The following FASN variants were observed in gnomAD, a reference collection of about 807,000 sequenced individuals.
FASN encodes 3-hydroxyacyl-[acyl-carrier-protein] dehydratase.
In FASN, 50 loss-of-function variants were observed where a neutral mutation model predicts 250.0. The ratio of observed to expected loss-of-function variants is 0.20; its 90% confidence interval spans 0.16 to 0.25. The LOEUF (loss-of-function observed/expected upper bound fraction) is 0.25. FASN is among the 10% of genes least tolerant of loss of function. The pLI is 1.00. For missense variants in FASN, 3,031 were observed against 3,498.5 expected, an observed-to-expected ratio of 0.87 and a Z score of 3.37; for synonymous variants, 1,909 against 1,584.0, an observed-to-expected ratio of 1.21 and a Z score of -4.87.
chr17:82,083,481 C>A (rs1321465692), intron 31 of FASN, 36 bp downstream of exon 31: 1 of 1,612,758 alleles, frequency 6.2e-7, no homozygotes, highest in Admixed American at 1.7e-5. Context: ...CCACACCCAT[C>A]CATGCCCACC....
In FASN at chr17:82,082,535, G is replaced by A; in HGVS notation, c.5911C>T (p.Leu1971=). 1 of 1,608,622 alleles carries A rather than the reference G, an allele frequency of 6.2e-7. No homozygotes were observed. The highest frequency in any genetic ancestry group is 8.5e-7 in the Non-Finnish European group (1 of 1,179,824). The change falls in exon 34 of 43, where the codon CTG becomes TTG. Residue 1971 remains leucine (L), a synonymous_variant. Coordinates refer to ENST00000306749, the MANE Select transcript of FASN (RefSeq NM_004104.5). ...QLGPVGGVFN[L]AVVLRDGLLE... ...TTGGGGCCTTCCCTCACCACGGCCA[G>A]GTTGAAGACGCCGCCCACGGGCCCA...
rs774079918 is a variant in FASN at position 82,083,129 on chromosome 17, G to GCACC, written c.5566-18_5566-15dup. ...CTCCGCAAGCACCTGCGTCCAAGCA[G>GCACC]CACCCACCGGCTCAGGCACTGCCTG... On this transcript the variant is annotated splice_polypyrimidine_tract_variant and intron_variant, in intron 32 of 42. Coordinates refer to ENST00000306749, the MANE Select transcript of FASN (RefSeq NM_004104.5). 1 of 1,610,108 alleles carries GCACC rather than the reference G, an allele frequency of 6.2e-7. No individual in the cohort carries two copies. Among genetic ancestry groups the GCACC allele is most frequent in the Non-Finnish European group, 8.5e-7 (1 of 1,179,942 alleles).
rs199781548 is a variant in FASN, at chr17:82,079,597, C to T, written c.7158G>A (p.Ala2386=). 18 of 1,600,366 alleles carry T rather than the reference C, an allele frequency of 1.1e-5. No individual in the cohort carries two copies. In the Admixed American group the frequency reaches 1.2e-4, roughly 10 times the overall value. Reference sequence around the variant, plus strand: ...CCTCTAGGCCCTTCAGCGGCAGCAGCGCCTCCAGCACCTGTGGGGTCGGGC... The same window carrying T: ...CCTCTAGGCCCTTCAGCGGCAGCAGTGCCTCCAGCACCTGTGGGGTCGGGC... ...TDMEHNRVLE[A]LLPLKGLEER... is the part of the protein sequence containing the mutation. Residue 2386 remains alanine (A), a synonymous_variant, in exon 42 of 43, where the codon GCG becomes GCA. Transcript: ENST00000306749.
chr17:82,094,058 A>G, intron 3 of FASN: 1 of 521,410 alleles, frequency 1.9e-6, no homozygotes, highest in Non-Finnish European at 3.5e-6. Context: ...GGAGGGCACC[A>G]GGCACGGCCA....
In FASN at chr17:82,088,955, C is replaced by T; in HGVS notation, c.2304+14G>A. The T allele has an allele frequency of 6.2e-7, 1 of 1,608,486 alleles. No homozygotes were observed. ...CCAGGCTCCCGGCGCCTGCTGCCCC[C>T]AGGCTGGGCCTACCTGCAGCAGGGC... is the stretch of plus-strand genomic sequence containing the variant. On this transcript the variant is annotated intron_variant, in intron 14 of 42. Coordinates refer to ENST00000306749, the MANE Select transcript of FASN (RefSeq NM_004104.5).
intron 38 of FASN, 82 bp from the exon 39 acceptor site, chr17:82,081,004 G>A (rs2033977462): frequency 2.8e-6 from 4 of 1,415,028 alleles, no homozygotes; most frequent in East Asian, 2.5e-5. Context: ...CACGCACGCA[G>A]GTCCCCACGG....
chr17:82,094,295 C>T (rs773293244), intron 3 of FASN: 2 of 205,374 alleles, frequency 9.7e-6, no homozygotes, highest in South Asian at 7.6e-5. Context: ...TAACCTTAGT[C>T]TTGGGGTGGG....
At chr17:82,089,478 G>A (rs912048631) in intron 12 of FASN, 94 bp from the exon 13 acceptor site, 20 of 1,602,092 alleles carry the variant, frequency 1.2e-5, no homozygotes, top group East Asian at 6.7e-5. Flanking sequence ...CAAGGGAACC[G>A]AGAGGGAATG....
Position 82,088,462 on chromosome 17 carries a change from C to T in FASN, c.2521G>A (p.Ala841Thr). 1 of 1,611,760 alleles carries T rather than the reference C, an allele frequency of 6.2e-7. No individual in the cohort carries two copies. The highest frequency in any genetic ancestry group is 8.5e-7 in the Non-Finnish European group (1 of 1,179,210). Residue 841 changes from alanine to threonine, a missense_variant, in exon 16 of 43, where the codon GCC becomes ACC. Transcript: ENST00000306749. Reference protein sequence around the residue: ...SPLIKWDHSLAWDVPAAEDFP... With the variant: ...SPLIKWDHSLTWDVPAAEDFP... ...TCCTCGGCGGCCGGCACGTCCCAGG[C>T]CAGGCTGTGGTCCCACTTGATGAGT... is the stretch of plus-strand genomic sequence containing the variant.
chr17:82,096,176 G>T, intron 2 of FASN, 143 bp downstream of exon 2: 2 of 1,342,610 alleles, frequency 1.5e-6, no homozygotes, highest in Non-Finnish European at 2.1e-6. Flanking sequence ...TCGCCCATGG[G>T]TGACCAGTGG....
At chr17:82,092,356 C>T (rs1003039052) in intron 8 of FASN, 99 bp downstream of exon 8, 7 of 1,322,754 alleles carry the variant, frequency 5.3e-6, no homozygotes, top group African/African-American at 2.9e-5. Context: ...GAAGCCCCCG[C>T]CTCCACTTGG....
At position 82,090,879 on chromosome 17, in the gene FASN, T is replaced by C; in HGVS notation, c.1680+3A>G. The C allele has an allele frequency of 6.3e-7, 1 of 1,579,652 alleles. No individual in the cohort carries two copies. The highest frequency in any genetic ancestry group is 1.3e-5 in the African/African-American group (1 of 74,078). On this transcript the variant is annotated splice_donor_region_variant and intron_variant, in intron 10 of 42. Transcript: ENST00000306749. The stretch of plus-strand genomic sequence containing the variant: ...GCTCACACGCTGGCAGGCTGGGCCC[T>C]ACCTGGATGGCAGTCAGGCTCACAA...
intron 21 of FASN, among the ~76,000 whole-genome samples, chr17:82,086,787 G>A (rs550885979): frequency 5.3e-5 from 8 of 152,182 alleles, no homozygotes; most frequent in South Asian, 4.1e-4. Context: ...TCTGTGCCTA[G>A]CCAAGGTGTG....
rs1313421199 is a variant in FASN, at chr17:82,089,742, C to A, written c.1871-16G>T. The A allele has an allele frequency of 5.1e-6, 8 of 1,577,140 alleles. No homozygotes were observed. Among genetic ancestry groups the A allele is most frequent in the Non-Finnish European group, 6.9e-6 (8 of 1,162,722 alleles). On this transcript the variant is annotated splice_polypyrimidine_tract_variant and intron_variant, in intron 11 of 42. Transcript: ENST00000306749. The stretch of plus-strand genomic sequence containing the variant: ...CAGGACAAGCCTATGGCAGAGCCAG[C>A]CTCAGAGGCTTAGCGTGGACACCGA...
rs148731010 is a variant in FASN, at chr17:82,082,544, C to T, written c.5902G>A (p.Val1968Ile). The change falls in exon 34 of 43, where the codon GTC becomes ATC. Residue 1968 changes from valine (V) to isoleucine (I), a missense_variant. Coordinates refer to ENST00000306749, the MANE Select transcript of FASN (RefSeq NM_004104.5). ...EAAQLGPVGG[V>I]FNLAVVLRDG... ...TCCCTCACCACGGCCAGGTTGAAGA[C>T]GCCGCCCACGGGCCCAAGCTGCGCC... The T allele has an allele frequency of 1.3e-4, 212 of 1,608,532 alleles. No individual in the cohort carries two copies. The highest frequency in any genetic ancestry group is 1.2e-3 in the African/African-American group (90 of 75,046).
At chr17:82,097,104 G>C (rs973526152) in intron 1 of FASN, among the ~76,000 whole-genome samples, 1 of 152,206 alleles carries the variant, frequency 6.6e-6, no homozygotes, top group African/African-American at 2.4e-5. Flanking sequence ...TGGGGGAAAG[G>C]TGGCCCCTGC....
intron 21 of FASN, 98 bp from the exon 22 acceptor site, chr17:82,086,656 C>A (rs2034107479): frequency 2.3e-6 from 2 of 883,532 alleles, no homozygotes; most frequent in Non-Finnish European, 3.6e-6. Context: ...GGGCCACCAC[C>A]CCGCTCTGCC....
rs201967800 is a variant in FASN, at chr17:82,088,208, G to C, written c.2693C>G (p.Thr898Arg). The change falls in exon 17 of 43, where the codon ACG becomes AGG. Residue 898 changes from threonine to arginine, a missense_variant. Coordinates refer to ENST00000306749, the MANE Select transcript of FASN (RefSeq NM_004104.5). Reference protein sequence around the residue: ...ATGYLSIVWKTLARALGLGVE... With the variant: ...ATGYLSIVWKRLARALGLGVE... ...GCCCAGGCCCAGGGCGCGGGCCAGC[G>C]TCTTCCACACTATGCTCAGGTAGCC... is the stretch of plus-strand genomic sequence containing the variant. 143 of 1,611,880 alleles carry C rather than the reference G, an allele frequency of 8.9e-5. No individual in the cohort carries two copies. In the South Asian group the frequency reaches 1.5e-3, roughly 17 times the overall value.
At position 82,087,804 on chromosome 17, in the gene FASN, G is replaced by T. The variant is rs369418619; in HGVS notation, c.2924C>A (p.Pro975His). The T allele has an allele frequency of 4.3e-6, 7 of 1,612,634 alleles. No individual in the cohort carries two copies. Among genetic ancestry groups the T allele is most frequent in the Non-Finnish European group, 5.9e-6 (7 of 1,179,912 alleles). The change falls in exon 19 of 43, where the codon CCC becomes CAC. Residue 975 changes from proline (P) to histidine (H), a missense_variant. Physicochemically the swap from Pro to His is moderately conservative, Grantham distance 77. Transcript: ENST00000306749. ...DPRLFDHPES[P>H]TPNPTEPLFL... is the part of the protein sequence containing the mutation. ...GAGGGGCTCCGTGGGGTTGGGGGTG[G>T]GGCTTTCCGGGTGGTCGAAGAGCCT...
Sources: allele counts gnomAD v4.1 joint callset (sites outside exome capture counted in the v4.1 genomes callset), GRCh38; gene constraint gnomAD v4.1.1; transcripts MANE v1.5; gene names NCBI Gene and HGNC (gene_info 2026-07-23, HGNC 2026-07-21).